NPAS3: variants seen among roughly 807,000 people sequenced by gnomAD.
NPAS3 encodes the protein neuronal PAS domain-containing protein 3.
A neutral mutation model predicts 73.1 loss-of-function variants in NPAS3; 14 were observed. The observed-to-expected ratio is 0.19, with a 90% CI of 0.13 to 0.30. NPAS3 has a LOEUF of 0.30. NPAS3 is among the 10% of genes least tolerant of loss of function. NPAS3 has a pLI of 1.00. For missense variants in NPAS3, 1,096 were observed against 1,250.0 expected (o/e 0.88, Z 1.86); for synonymous variants, 620 against 541.5 (o/e 1.14, Z -2.01).
At position 33,450,722 on chromosome 14, in the gene NPAS3, A is replaced by T. The variant is rs2139379637; in HGVS notation, c.468+83454A>T. ...AAATCTGAATCTGTGTGAATTGGAG[A>T]GAGAAGTTTTCAATACATATTTTAA... On this transcript the variant is annotated intron_variant, in intron 4 of 11. Coordinates refer to ENST00000356141, the Ensembl canonical transcript of NPAS3. 2.0e-5 allele frequency among the ~76,000 whole-genome samples: 3 copies of T among 152,226 alleles called. 1 individual carries two copies. In the East Asian group the frequency reaches 5.8e-4, roughly 29 times the overall value.
chr14:33,324,913 G>A (rs968529396), intron 3 of NPAS3, among the ~76,000 whole-genome samples: 2 of 152,110 alleles, frequency 1.3e-5, no homozygotes, highest in Non-Finnish European at 2.9e-5. Flanking sequence ...AGCCCTGGAT[G>A]TTACAGCTCA....
At chr14:33,158,107 G>T (rs754055053) in intron 2 of NPAS3, among the ~76,000 whole-genome samples, 5 of 152,186 alleles carry the variant, frequency 3.3e-5, no homozygotes, top group Admixed American at 6.5e-5. Context: ...TTTTGGGAAG[G>T]AATCTATCTG....
Position 33,102,164 on chromosome 14 carries a change from C to T in NPAS3, c.140+46170C>T, listed in dbSNP as rs1566562310. 3.9e-5 allele frequency among the ~76,000 whole-genome samples: 6 copies of T among 152,260 alleles called. 1 individual carries two copies. In the South Asian group the frequency reaches 1.0e-3, roughly 26 times the overall value. ...CCACAATTCATTCTTCATATGGTCA[C>T]CTGCCGTTGGGACTTTACTGTGGAT... On this transcript the variant is annotated intron_variant, in intron 2 of 11. Transcript: ENST00000356141.
At chr14:33,654,975 G>T (rs552941799) in intron 5 of NPAS3, among the ~76,000 whole-genome samples, 14 of 152,286 alleles carry the variant, frequency 9.2e-5, no homozygotes, top group Admixed American at 3.9e-4. Context: ...TACCCTGCTG[G>T]ACACTGCTAT....
chr14:33,140,030 T>G (rs2043988443), intron 2 of NPAS3, among the ~76,000 whole-genome samples: 1 of 152,148 alleles, frequency 6.6e-6, no homozygotes, highest in Non-Finnish European at 1.5e-5. Context: ...TCAGTGCTCC[T>G]TCTTAATAAT....
At chr14:33,745,063 A>G (rs548219258) in intron 7 of NPAS3, among the ~76,000 whole-genome samples, 1 of 152,074 alleles carries the variant, frequency 6.6e-6, no homozygotes, top group Admixed American at 6.5e-5. Flanking sequence ...CAAAACAGCA[A>G]GACCCCCTCT....
At chr14:33,098,089 A>T (rs968694411) in intron 2 of NPAS3, among the ~76,000 whole-genome samples, 2 of 152,164 alleles carry the variant, frequency 1.3e-5, no homozygotes, top group Non-Finnish European at 2.9e-5. Context: ...CATCATGAAG[A>T]TGTTTACACA....
chr14:33,219,839 G>T (rs569480937), intron 3 of NPAS3, among the ~76,000 whole-genome samples: 1 of 152,182 alleles, frequency 6.6e-6, no homozygotes, highest in East Asian at 1.9e-4. Context: ...TTATAAAATG[G>T]ATTCTGTTTC....
intron 4 of NPAS3, among the ~76,000 whole-genome samples, chr14:33,419,043 G>A (rs2048267662): frequency 6.6e-6 from 1 of 151,900 alleles, no homozygotes; most frequent in Admixed American, 6.6e-5. Flanking sequence ...GCTATATTAA[G>A]CACCAGCTTA....
intron 4 of NPAS3, among the ~76,000 whole-genome samples, chr14:33,469,901 G>A (rs1240680459): frequency 6.6e-6 from 1 of 152,200 alleles, no homozygotes; most frequent in Non-Finnish European, 1.5e-5. Context: ...TAAATCTGCA[G>A]TTTGGGTAGT....
intron 1 of NPAS3, among the ~76,000 whole-genome samples, chr14:32,972,051 G>A (rs560270832): frequency 1.4e-5 from 2 of 145,914 alleles, no homozygotes; most frequent in East Asian, 4.1e-4. Flanking sequence ...CCATTCTCTT[G>A]CCTCAGCCTC....
At chr14:33,751,863 C>T (rs912849962) in intron 7 of NPAS3, among the ~76,000 whole-genome samples, 2 of 152,118 alleles carry the variant, frequency 1.3e-5, no homozygotes, top group African/African-American at 2.4e-5. Context: ...TACAAGTGAT[C>T]TGCGATTAAA....
intron 5 of NPAS3, among the ~76,000 whole-genome samples, chr14:33,650,023 A>G (rs2058945582): frequency 6.6e-6 from 1 of 152,232 alleles, no homozygotes; most frequent in African/African-American, 2.4e-5. Flanking sequence ...TTTAGAATAC[A>G]GATTCCCTGG....
At chr14:33,647,290 C>CTCTA (rs1555427796) in intron 5 of NPAS3, among the ~76,000 whole-genome samples, 27 of 147,500 alleles carry the variant, frequency 1.8e-4, no homozygotes, top group African/African-American at 5.4e-4. Flanking sequence ...CTCTCTCTCT[C>CTCTA]TATATATATA....
chr14:33,624,426 G>C (rs1422968530), intron 5 of NPAS3, among the ~76,000 whole-genome samples: 1 of 152,230 alleles, frequency 6.6e-6, no homozygotes, highest in South Asian at 2.1e-4. Context: ...CTCTGAAATT[G>C]ACATAAAATG....
intron 4 of NPAS3, among the ~76,000 whole-genome samples, chr14:33,464,060 T>C (rs975722593): frequency 3.3e-5 from 5 of 152,192 alleles, no homozygotes; most frequent in Admixed American, 6.5e-5. Flanking sequence ...AAAGCTGCCC[T>C]TTTTTTGTTC....
At chr14:33,475,602 A>T (rs935477464) in intron 4 of NPAS3, among the ~76,000 whole-genome samples, 2 of 151,782 alleles carry the variant, frequency 1.3e-5, no homozygotes, top group Non-Finnish European at 2.9e-5. Context: ...AGCAGATACT[A>T]GTTCAAGAAC....
intron 6 of NPAS3, among the ~76,000 whole-genome samples, chr14:33,699,044 T>G (rs897636579): frequency 5.3e-5 from 8 of 152,060 alleles, no homozygotes; most frequent in African/African-American, 1.4e-4. Flanking sequence ...CAGGGACACA[T>G]AGGAAACACA....
At position 33,411,936 on chromosome 14, in the gene NPAS3, G is replaced by A. The variant is rs142389671; in HGVS notation, c.468+44668G>A. On this transcript the variant is annotated intron_variant, in intron 4 of 11. Coordinates refer to ENST00000356141, the Ensembl canonical transcript of NPAS3. The stretch of plus-strand genomic sequence containing the variant: ...GGTACTTTCATGGCAGGCCACCAGA[G>A]TGGTTATGTCTGTGCCTTATTTCCC... 4.6e-5 allele frequency among the ~76,000 whole-genome samples: 7 copies of A among 152,256 alleles called. No homozygotes were observed. In the East Asian group the frequency reaches 1.2e-3, roughly 25 times the overall value.
Sources: allele counts gnomAD v4.1 joint callset (sites outside exome capture counted in the v4.1 genomes callset), GRCh38; gene constraint gnomAD v4.1.1; transcripts MANE v1.5; gene names NCBI Gene and HGNC (gene_info 2026-07-23, HGNC 2026-07-21).